The following ARHGAP9 variants were observed in gnomAD, a reference collection of about 807,000 sequenced individuals.
ARHGAP9 encodes rho GTPase-activating protein 9.
ARHGAP9 carries 76 observed loss-of-function variants against 87.3 expected under a neutral mutation model. The observed-to-expected ratio is 0.87, with a 90% CI of 0.72 to 1.05. The LOEUF is 1.05. Among genes scored for constraint, ARHGAP9 ranks in the 50% least tolerant of loss-of-function variants. ARHGAP9 has a pLI of 0.00. For missense variants in ARHGAP9, 941 were observed against 960.5 expected (o/e 0.98, Z 0.27); for synonymous variants, 382 against 394.9 (o/e 0.97, Z 0.39).
chr12:57,483,983 C>T (rs745545883), upstream of ARHGAP9: 2 of 436,712 alleles, frequency 4.6e-6, no homozygotes, highest in South Asian at 1.6e-5. Context: ...AGAGATTGCA[C>T]TGAGCTGAGA....
Position 57,477,542 on chromosome 12 carries a change from G to T in ARHGAP9, c.673C>A (p.Pro225Thr). The T allele has an allele frequency of 6.2e-7, 1 of 1,613,996 alleles. No individual in the cohort carries two copies. Among genetic ancestry groups the T allele is most frequent in the South Asian group, 1.1e-5 (1 of 91,076 alleles). ...ATGTAGAAGCAGCGTCCAGAGTTGG[G>T]GTCCAGGTGCTGCTCCCAGGCATCC... ...RLDAWEQHLD[P>T]NSGRCFYINS... The change falls in exon 4 of 18, where the codon CCC (proline) becomes ACC (threonine). Residue 225 changes from proline to threonine, a missense_variant. By Grantham distance (38) the Pro-to-Thr change is conservative (BLOSUM62 -1). Coordinates refer to ENST00000393791, the MANE Select transcript of ARHGAP9 (RefSeq NM_032496.4).
chr12:57,476,353 C>A lies in ARHGAP9; in HGVS notation c.1116+11G>T. On this transcript the variant is annotated intron_variant, in intron 8 of 17. Transcript: ENST00000393791. ...GCCCGCACCCATCCTGCGCCTCTCG[C>A]TCACACTCACCCAGCCTGAGGAGGG... 6.2e-7 allele frequency: 1 copy of A among 1,613,378 alleles called. No homozygotes were observed. The highest frequency in any genetic ancestry group is 2.2e-5 in the East Asian group (1 of 44,870).
At chr12:57,473,734 G>C (rs1190404112) in intron 16 of ARHGAP9, 26 bp from the exon 17 acceptor site, 3 of 1,595,304 alleles carry the variant, frequency 1.9e-6, no homozygotes, top group Non-Finnish European at 2.6e-6. Context: ...GGAAAGGCAT[G>C]GTAGTAAGGT....
intron 2 of ARHGAP9, 64 bp downstream of exon 2, chr12:57,479,027 C>T: frequency 6.4e-7 from 1 of 1,556,868 alleles, no homozygotes; most frequent in Non-Finnish European, 8.7e-7. Context: ...TTCCCAGAAG[C>T]CAGGGAGGTA....
chr12:57,481,893 C>T (rs1220918102), upstream of ARHGAP9, among the ~76,000 whole-genome samples: 1 of 152,114 alleles, frequency 6.6e-6, no homozygotes, highest in Non-Finnish European at 1.5e-5. Context: ...TCTGCATACC[C>T]TCCCTGGGTG....
At position 57,472,611 on chromosome 12, in the gene ARHGAP9, G is replaced by A; in HGVS notation, c.2102C>T (p.Pro701Leu). Residue 701 changes from proline to leucine, a missense_variant, in exon 18 of 18, where the codon CCA (proline) becomes CTA (leucine). Transcript: ENST00000393791. ...GIVFGPTLFR[P>L]EQETSDPAAH... Reference sequence around the variant, plus strand: ...TGCTGGGTCAGATGTCTCCTGCTCTGGCCGAAACAGGGTTGGTCCAAACAC... The same window carrying A: ...TGCTGGGTCAGATGTCTCCTGCTCTAGCCGAAACAGGGTTGGTCCAAACAC... 6.2e-7 allele frequency: 1 copy of A among 1,614,220 alleles called. No homozygotes were observed. Among genetic ancestry groups the A allele is most frequent in the Non-Finnish European group, 8.5e-7 (1 of 1,180,044 alleles).
chr12:57,474,531 G>A (rs747670418), intron 14 of ARHGAP9, 55 bp from the exon 15 acceptor site: 28 of 1,613,144 alleles, frequency 1.7e-5, no homozygotes, highest in African/African-American at 9.3e-5. Context: ...CCAGCCTGAC[G>A]GCCTCTCTAT....
Position 57,479,397 on chromosome 12 carries a change from T to A in ARHGAP9, c.10A>T (p.Ser4Cys), listed in dbSNP as rs1313053543. The change falls in exon 2 of 18, where the codon AGC (serine) becomes TGC (cysteine). Residue 4 changes from serine (S) to cysteine (C), a missense_variant. Transcript: ENST00000393791. MLSSRWWPSSWGIL... is the reference protein window; with the variant it reads MLSCRWWPSSWGIL... ...CCCCAGGAACTTGGCCACCACCGGC[T>A]GGATAGCATTGTAGCCAGCACTGTC... 1 of 1,612,848 alleles carries A rather than the reference T, an allele frequency of 6.2e-7. No individual in the cohort carries two copies. Among genetic ancestry groups the A allele is most frequent in the Non-Finnish European group, 8.5e-7 (1 of 1,179,708 alleles).
At chr12:57,482,148 C>T (rs907174896), upstream of ARHGAP9, among the ~76,000 whole-genome samples, 1 of 152,188 alleles carries the variant, frequency 6.6e-6, no homozygotes, top group African/African-American at 2.4e-5. Flanking sequence ...GTAGCTCACA[C>T]CTATAATCCC....
intron 2 of ARHGAP9, 122 bp from the exon 3 acceptor site, chr12:57,478,879 A>G: frequency 7.0e-6 from 8 of 1,141,700 alleles, no homozygotes; most frequent in Non-Finnish European, 9.9e-6. Context: ...GGAAAATGGC[A>G]TGAGACCTAG....
chr12:57,476,541 A>G, intron 7 of ARHGAP9, 49 bp downstream of exon 7: 1 of 1,613,050 alleles, frequency 6.2e-7, no homozygotes, highest in Non-Finnish European at 8.5e-7. Context: ...ACCCTGCTCT[A>G]CCCTATGGAG....
upstream of ARHGAP9, among the ~76,000 whole-genome samples, chr12:57,484,336 T>C (rs1161671164): frequency 2.9e-5 from 4 of 138,082 alleles, no homozygotes; most frequent in Non-Finnish European, 4.8e-5. Context: ...TGGGCGACAG[T>C]GTGAGACTCT....
At chr12:57,483,420 T>C (rs543236522), upstream of ARHGAP9, among the ~76,000 whole-genome samples, 6 of 152,200 alleles carry the variant, frequency 3.9e-5, no homozygotes, top group Non-Finnish European at 8.8e-5. Context: ...TGCATATAGT[T>C]CTGCTCCCCT....
intron 1 of ARHGAP9, chr12:57,488,074 G>A (rs975912647): frequency 6.2e-7 from 1 of 1,610,728 alleles, no homozygotes; most frequent in South Asian, 1.1e-5. Flanking sequence ...TTGCATCAGC[G>A]AGGGATTCAC....
At chr12:57,474,338 C>G in intron 15 of ARHGAP9, 85 bp downstream of exon 15, 1 of 1,590,586 alleles carries the variant, frequency 6.3e-7, no homozygotes, top group Non-Finnish European at 8.6e-7. Context: ...ACAACCCTCC[C>G]AGGAATAGTA....
chr12:57,477,821 G>A (rs1178212318), intron 3 of ARHGAP9, 141 bp from the exon 4 acceptor site: 1 of 1,504,264 alleles, frequency 6.6e-7, no homozygotes, highest in African/African-American at 1.4e-5. Context: ...GGGTACTGGG[G>A]GAGAAACCTC....
At chr12:57,481,879 G>A (rs148427859), upstream of ARHGAP9, among the ~76,000 whole-genome samples, 44 of 152,190 alleles carry the variant, frequency 2.9e-4, no homozygotes, top group African/African-American at 1.0e-3. Flanking sequence ...TGTGCCCTGT[G>A]CTTTCTGCAT....
intron 8 of ARHGAP9, 37 bp from the exon 9 acceptor site, chr12:57,476,203 T>C: frequency 1.3e-6 from 2 of 1,515,954 alleles, no homozygotes; most frequent in Non-Finnish European, 1.8e-6. Context: ...CACGGTGTTG[T>C]TTCCTTCACT....
intron 1 of ARHGAP9, chr12:57,487,853 A>G: frequency 6.6e-6 from 1 of 151,962 alleles, no homozygotes; most frequent in South Asian, 1.5e-4. Context: ...CCTCTCACAA[A>G]AAAAAAAAAA....
Sources: gnomAD v4.1 joint callset for allele counts (sites outside exome capture counted in the v4.1 genomes callset) on GRCh38, gnomAD v4.1.1 for gene constraint, MANE v1.5 for transcripts, NCBI Gene and HGNC (gene_info 2026-07-23, HGNC 2026-07-21) for gene names.